The following DAB1 variants were observed in gnomAD, a reference collection of about 807,000 sequenced individuals.
The protein encoded by DAB1 is disabled homolog 1.
In DAB1, 15 loss-of-function variants were observed where a neutral mutation model predicts 64.6. That is an observed-to-expected ratio of 0.23 (90% confidence interval 0.16 to 0.36). DAB1 has a LOEUF of 0.36. DAB1 is among the 10% of genes least tolerant of loss of function. The pLI, the probability that DAB1 is intolerant of heterozygous loss-of-function variation, is 1.00. For missense variants in DAB1, 596 were observed against 706.7 expected, an observed-to-expected ratio of 0.84 and a Z score of 1.78; for synonymous variants, 235 against 251.9, an observed-to-expected ratio of 0.93 and a Z score of 0.64.
chr1:57,133,076 C>G (rs926553922), intron 4 of DAB1, among the ~76,000 whole-genome samples: 17 of 152,130 alleles, frequency 1.1e-4, no homozygotes, highest in Non-Finnish European at 2.5e-4. Context: ...ATAGCATTTA[C>G]TTCATAGAAT....
chr1:57,746,269 C>A (rs2406278), intron 6 of DAB1, among the ~76,000 whole-genome samples: 90,250 of 151,892 alleles, frequency 0.59, 26,878 homozygotes, highest in African/African-American at 0.63. Flanking sequence ...GAATGCATAT[C>A]CTCAGAGAGC....
intron 1 of DAB1, among the ~76,000 whole-genome samples, chr1:57,857,938 G>GAAAAA (rs57573578): frequency 8.2e-6 from 1 of 121,474 alleles, no homozygotes; most frequent in African/African-American, 2.9e-5. Flanking sequence ...TAAAAAGAAA[G>GAAAAA]AAAAAAAAAA....
At chr1:57,019,782 T>A (rs1252215742) in intron 11 of DAB1, among the ~76,000 whole-genome samples, 3 of 152,284 alleles carry the variant, frequency 2.0e-5, no homozygotes, top group Non-Finnish European at 4.4e-5. Context: ...TTCAGAGCAA[T>A]CATAAATCTC....
At chr1:57,437,466 A>G (rs1439051878) in intron 7 of DAB1, among the ~76,000 whole-genome samples, 1 of 152,254 alleles carries the variant, frequency 6.6e-6, no homozygotes, top group African/African-American at 2.4e-5. Flanking sequence ...ATGCAAATTA[A>G]CTTACTGTAA....
At chr1:57,202,736 A>C (rs573054197) in intron 2 of DAB1, among the ~76,000 whole-genome samples, 16 of 152,308 alleles carry the variant, frequency 1.1e-4, no homozygotes, top group Admixed American at 2.0e-4. Flanking sequence ...TCAAGTTATC[A>C]CACTGGTACC....
intron 2 of DAB1, among the ~76,000 whole-genome samples, chr1:57,146,738 A>G (rs1271493181): frequency 6.6e-6 from 1 of 152,192 alleles, no homozygotes; most frequent in Non-Finnish European, 1.5e-5. Flanking sequence ...TGAATGAGAC[A>G]ATATCTGTGC....
rs1163072651 is a variant in DAB1, at chr1:57,877,721, C to T, written n.87+6278G>A. On this transcript the variant is annotated intron_variant and non_coding_transcript_variant, in intron 1 of 1. Transcript: ENST00000477280. ...GACTACAGGCGCCCACCACCGCGCC[C>T]GGCTAATTTTTTTTTTGTATTTTTA... 2.9e-4 allele frequency among the ~76,000 whole-genome samples: 24 copies of T among 82,426 alleles called. 7 individuals are homozygous for T. In the East Asian group the frequency reaches 3.6e-3, roughly 12 times the overall value. 54.1% of individuals were successfully genotyped at this position (82,426 alleles called of 152,430 possible).
At chr1:57,293,720 A>C (rs1347212147) in intron 1 of DAB1, among the ~76,000 whole-genome samples, 27 of 152,124 alleles carry the variant, frequency 1.8e-4, no homozygotes, top group Non-Finnish European at 2.9e-5. Context: ...CTAATCTATA[A>C]ATTCAGAAAG....
chr1:58,419,361 A>G (rs1360732286), intron 3 of DAB1, among the ~76,000 whole-genome samples: 3 of 152,246 alleles, frequency 2.0e-5, no homozygotes, highest in Non-Finnish European at 4.4e-5. Flanking sequence ...AAATGATTAA[A>G]TAAAATATTT....
chr1:57,464,567 T>C (rs1044860642), intron 7 of DAB1, among the ~76,000 whole-genome samples: 2 of 152,288 alleles, frequency 1.3e-5, no homozygotes, highest in East Asian at 3.9e-4. Flanking sequence ...TTCATTAGTG[T>C]AATCTAAGAG....
chr1:57,731,001 G>A (rs1373447968), intron 6 of DAB1, among the ~76,000 whole-genome samples: 2 of 152,162 alleles, frequency 1.3e-5, no homozygotes, highest in Admixed American at 1.3e-4. Context: ...ACAGGCACTG[G>A]AACAGATGCT....
chr1:58,094,683 T>C (rs1172495066), intron 5 of DAB1, among the ~76,000 whole-genome samples: 1 of 152,232 alleles, frequency 6.6e-6, no homozygotes, highest in Non-Finnish European at 1.5e-5. Flanking sequence ...CAAGAAATGG[T>C]CCTTTACCCA....
At chr1:57,833,393 T>C (rs548986781) in intron 1 of DAB1, among the ~76,000 whole-genome samples, 15 of 152,338 alleles carry the variant, frequency 9.8e-5, no homozygotes, top group African/African-American at 3.6e-4. Context: ...TTAATTCTTA[T>C]AATAAAGGAA....
intron 4 of DAB1, among the ~76,000 whole-genome samples, chr1:58,156,884 C>T (rs368089650): frequency 3.3e-5 from 5 of 152,138 alleles, no homozygotes; most frequent in Admixed American, 2.6e-4. Flanking sequence ...GGAATTTCAA[C>T]TTTATAATGG....
Position 57,034,151 on chromosome 1 carries a change from G to T in DAB1, c.724-8108C>A, listed in dbSNP as rs1570554731. On this transcript the variant is annotated intron_variant, in intron 9 of 14. Coordinates refer to ENST00000371236, the MANE Select transcript of DAB1 (RefSeq NM_001365792.1). ...AAAAATTAGCCAGACGTGATGGCAG[G>T]CGCCTGTAATCCCAGCTACTCGGGA... Among the ~76,000 whole-genome samples the T allele has an allele frequency of 2.0e-5, 3 of 152,036 alleles. No individual in the cohort carries two copies. In the South Asian group the frequency reaches 6.2e-4, roughly 32 times the overall value.
intron 7 of DAB1, among the ~76,000 whole-genome samples, chr1:57,628,155 C>T (rs1645945720): frequency 6.6e-6 from 1 of 152,200 alleles, no homozygotes; most frequent in African/African-American, 2.4e-5. Context: ...GTCACAGTCT[C>T]TCTGAGCTTC....
chr1:57,423,241 T>C (rs1044398513), intron 1 of DAB1, among the ~76,000 whole-genome samples: 2 of 129,808 alleles, frequency 1.5e-5, no homozygotes, highest in African/African-American at 3.0e-5. Flanking sequence ...GGGAGGCGAC[T>C]AGCTGGGCGT....
intron 7 of DAB1, among the ~76,000 whole-genome samples, chr1:57,447,183 T>C (rs1686172952): frequency 6.6e-6 from 1 of 152,156 alleles, no homozygotes; most frequent in Non-Finnish European, 1.5e-5. Flanking sequence ...CACTGAGTGC[T>C]TTACATACCC....
intron 5 of DAB1, among the ~76,000 whole-genome samples, chr1:58,141,060 A>T (rs1353882926): frequency 1.3e-5 from 2 of 152,186 alleles, no homozygotes; most frequent in Non-Finnish European, 2.9e-5. Context: ...GGGAGGCCTC[A>T]GGGAGCTTTT....
Sources: allele counts gnomAD v4.1 joint callset (sites outside exome capture counted in the v4.1 genomes callset), GRCh38; gene constraint gnomAD v4.1.1; transcripts MANE v1.5; gene names NCBI Gene and HGNC (gene_info 2026-07-23, HGNC 2026-07-21).